The following NQO1 variants were observed in gnomAD, a reference collection of about 807,000 sequenced individuals.
NQO1 encodes the protein NAD(P)H dehydrogenase [quinone] 1.
In NQO1, 30 loss-of-function variants were observed where a neutral mutation model predicts 32.1. That is an observed-to-expected ratio of 0.94 (90% CI 0.70 to 1.27). The LOEUF is 1.27. Ranked by LOEUF, NQO1 falls within the 50% of genes most tolerant of loss-of-function variation. NQO1 has a pLI of 0.00. For missense variants in NQO1, 276 were observed against 331.3 expected, an observed-to-expected ratio of 0.83 and a Z score of 1.30; for synonymous variants, 109 against 119.7, an observed-to-expected ratio of 0.91 and a Z score of 0.59.
At position 69,710,940 on chromosome 16, in the gene NQO1, G is replaced by T. The variant is rs191946987; in HGVS notation, c.*36C>A. On this transcript the variant is annotated 3_prime_UTR_variant, in exon 6 of 6. Transcript: ENST00000320623. ...GAAGCCTGGAAAGATACCCAGATTTGATAACATGTTAGAAGGAAATCCAGG... is the reference window on the plus strand; with the variant it reads ...GAAGCCTGGAAAGATACCCAGATTTTATAACATGTTAGAAGGAAATCCAGG... 6.4e-6 allele frequency: 10 copies of T among 1,574,664 alleles called. No homozygotes were observed. Among genetic ancestry groups the T allele is most frequent in the South Asian group, 1.2e-5 (1 of 85,052 alleles).
chr16:69,721,111 G>C (rs1388855947), intron 1 of NQO1, among the ~76,000 whole-genome samples: 1 of 150,006 alleles, frequency 6.7e-6, no homozygotes, highest in Non-Finnish European at 1.5e-5. Flanking sequence ...TTGGAGCCGT[G>C]TTGCCCAGGC....
At chr16:69,725,293 C>T (rs558976308) in intron 1 of NQO1, among the ~76,000 whole-genome samples, 1 of 152,302 alleles carries the variant, frequency 6.6e-6, no homozygotes, top group East Asian at 1.9e-4. Context: ...AGGACCAGGT[C>T]CACAGGGAAG....
At chr16:69,715,191 C>A (rs889173115) in intron 3 of NQO1, 114 bp from the exon 4 acceptor site, 6 of 739,468 alleles carry the variant, frequency 8.1e-6, no homozygotes, top group Non-Finnish European at 1.5e-5. Flanking sequence ...CCCCTCTTCA[C>A]ACCTTTCCCA....
Position 69,726,316 on chromosome 16 carries a change from C to G in NQO1, c.7+117G>C, listed in dbSNP as rs1489879676. ...GCTCATCCCAGGTCCCTAATCTCTT[C>G]CCTTTGTGGGTTTTGAGTCAAGGAA... is the stretch of plus-strand genomic sequence containing the variant. On this transcript the variant is annotated intron_variant, in intron 1 of 5. Coordinates refer to ENST00000320623, the MANE Select transcript of NQO1 (RefSeq NM_000903.3). 11 of 1,418,780 alleles carry G rather than the reference C, an allele frequency of 7.8e-6. No homozygotes were observed. The Admixed American group carries it at 2.3e-4, about 30-fold the overall frequency. 87.9% of individuals were successfully genotyped at this position (1,418,780 alleles called of 1,614,324 possible).
chr16:69,711,269 G>A lies in NQO1; in HGVS notation c.532C>T (p.His178Tyr), dbSNP rs148539025. 1.1e-4 allele frequency: 173 copies of A among 1,607,794 alleles called. No homozygotes were observed. In the African/African-American group the frequency reaches 2.0e-3, roughly 18 times the overall value. ...ILWPIQSGIL[H>Y]FCGFQVLEPQ... ...TCTAAGACTTGGAAGCCACAGAAAT[G>A]CAGAATGCCACTCTGAGGATACAGA... The change falls in exon 6 of 6, where the codon CAT (histidine) becomes TAT (tyrosine). Residue 178 changes from histidine (H) to tyrosine (Y), a missense_variant. Coordinates refer to ENST00000320623, the MANE Select transcript of NQO1 (RefSeq NM_000903.3).
Position 69,718,146 on chromosome 16 carries a change from C to T in NQO1, c.280G>A (p.Ala94Thr), listed in dbSNP as rs1024872551. 5 of 1,613,924 alleles carry T rather than the reference C, an allele frequency of 3.1e-6. No homozygotes were observed. Among genetic ancestry groups the T allele is most frequent in the African/African-American group, 1.3e-5 (1 of 74,934 alleles). Residue 94 changes from alanine (A) to threonine (T), a missense_variant, in exon 3 of 6, where the codon GCC (alanine) becomes ACC (threonine). By Grantham distance (58) the Ala-to-Thr change is moderately conservative. Coordinates refer to ENST00000320623, the MANE Select transcript of NQO1 (RefSeq NM_000903.3). ...DIVAEQKKLE[A>T]ADLVIFQFPL... Reference sequence around the variant, plus strand: ...ACCTGGAATATCACAAGGTCTGCGGCTTCCAGCTTCTTTTGTTCAGCCACA... The same window carrying T: ...ACCTGGAATATCACAAGGTCTGCGGTTTCCAGCTTCTTTTGTTCAGCCACA...
chr16:69,721,234 G>A (rs1002561315), intron 1 of NQO1, among the ~76,000 whole-genome samples: 4 of 152,082 alleles, frequency 2.6e-5, no homozygotes, highest in East Asian at 3.9e-4. Context: ...TGTTTTAAAC[G>A]TGTCCCCCTC....
intron 4 of NQO1, among the ~76,000 whole-genome samples, chr16:69,714,003 G>A (rs2038078227): frequency 6.6e-6 from 1 of 151,712 alleles, no homozygotes; most frequent in Non-Finnish European, 1.5e-5. Context: ...AGCCTCCCGA[G>A]TACCTGGGAC....
At chr16:69,723,690 T>C (rs1199580864) in intron 1 of NQO1, among the ~76,000 whole-genome samples, 2 of 151,392 alleles carry the variant, frequency 1.3e-5, no homozygotes, top group African/African-American at 4.9e-5. Flanking sequence ...TAATCCCAGC[T>C]AATCGGGAGG....
chr16:69,715,841 A>G (rs1347600817), intron 3 of NQO1, among the ~76,000 whole-genome samples: 1 of 152,138 alleles, frequency 6.6e-6, no homozygotes, highest in Admixed American at 6.6e-5. Flanking sequence ...ATCACTTAGA[A>G]TAAACAAAAT....
rs538347208 is a variant in NQO1, at chr16:69,718,011, A to C, written c.303+112T>G. 34 of 1,376,752 alleles carry C rather than the reference A, an allele frequency of 2.5e-5. 1 individual carries two copies. The highest frequency in any genetic ancestry group is 2.4e-4 in the South Asian group (18 of 75,352). 85.3% of individuals were successfully genotyped at this position (1,376,752 alleles called of 1,614,324 possible). The stretch of plus-strand genomic sequence containing the variant: ...CTTTAAAGTAATCACCCTTATTTGC[A>C]GAGAATGCAGTAAAGTGGGTAACTG... On this transcript the variant is annotated intron_variant, in intron 3 of 5. Transcript: ENST00000320623.
rs1456151386 is a variant in NQO1, at chr16:69,710,431, A to T, written c.*545T>A. 1.9e-5 allele frequency: 3 copies of T among 154,464 alleles called. No individual in the cohort carries two copies. The highest frequency in any genetic ancestry group is 4.3e-5 in the Non-Finnish European group (3 of 69,610). The allele number at this position is 154,464 out of a possible 1,614,324, so 9.6% of individuals were successfully genotyped here. A position where few individuals can be genotyped will look rare whatever the true frequency, so the allele number is the denominator to read the frequency against. ...AGGTATCTGTGTACTGTATATAAAC[A>T]ACAAAAGCTGACCAAGAGTGGTACT... On this transcript the variant is annotated 3_prime_UTR_variant, in exon 6 of 6. Coordinates refer to ENST00000320623, the MANE Select transcript of NQO1 (RefSeq NM_000903.3).
chr16:69,714,691 C>T (rs1208305041), intron 4 of NQO1, among the ~76,000 whole-genome samples: 1 of 151,188 alleles, frequency 6.6e-6, no homozygotes, highest in East Asian at 2.0e-4. Context: ...ACCAGCCTGA[C>T]CAACATGGAG....
intron 1 of NQO1, among the ~76,000 whole-genome samples, chr16:69,723,072 C>G (rs944975684): frequency 1.1e-4 from 16 of 152,150 alleles, no homozygotes; most frequent in Non-Finnish European, 2.1e-4. Context: ...GGATTACAGG[C>G]GCTCGCCGCC....
intron 1 of NQO1, among the ~76,000 whole-genome samples, chr16:69,719,014 G>A (rs1205685272): frequency 7.5e-6 from 1 of 132,986 alleles, no homozygotes; most frequent in African/African-American, 2.9e-5. Context: ...CAGCCTGGGT[G>A]ACAATGGGAG....
intron 1 of NQO1, among the ~76,000 whole-genome samples, chr16:69,718,805 T>A (rs6499246): frequency 6.6e-6 from 1 of 151,878 alleles, no homozygotes. Flanking sequence ...GAGGCCAAGG[T>A]GGGCAGATCA....
At chr16:69,720,768 G>A (rs1466139834) in intron 1 of NQO1, among the ~76,000 whole-genome samples, 1 of 152,132 alleles carries the variant, frequency 6.6e-6, no homozygotes, top group African/African-American at 2.4e-5. Flanking sequence ...GAAGGGAAAT[G>A]GGCCTCTTTT....
At chr16:69,718,092 C>T (rs1441907736) in intron 3 of NQO1, 31 bp downstream of exon 3, 1 of 1,613,110 alleles carries the variant, frequency 6.2e-7, no homozygotes. Flanking sequence ...ACGCAAATGT[C>T]CCTGACACCC....
Position 69,710,860 on chromosome 16 carries a change from T to A in NQO1, c.*116A>T. The A allele has an allele frequency of 8.8e-7, 1 of 1,134,052 alleles. No homozygotes were observed. The highest frequency in any genetic ancestry group is 1.6e-5 in the South Asian group (1 of 63,092). The allele number at this position is 1,134,052 out of a possible 1,614,324, so 70.2% of individuals were successfully genotyped here. ...CACGAATACAGTCGATTCCCTCTCA[T>A]TTATTCCTTGTGGAAAAAGAAAAAC... On this transcript the variant is annotated 3_prime_UTR_variant, in exon 6 of 6. Coordinates refer to ENST00000320623, the MANE Select transcript of NQO1 (RefSeq NM_000903.3).
Sources: allele counts gnomAD v4.1 joint callset (sites outside exome capture counted in the v4.1 genomes callset), GRCh38; gene constraint gnomAD v4.1.1; transcripts MANE v1.5; gene names NCBI Gene and HGNC (gene_info 2026-07-23, HGNC 2026-07-21).